PLPPR3: variants seen among roughly 807,000 people sequenced by gnomAD.
PLPPR3 encodes the protein phospholipid phosphatase related 3.
In PLPPR3, 14 loss-of-function variants were observed where a neutral mutation model predicts 27.3. The ratio of observed to expected loss-of-function variants is 0.51; its 90% CI spans 0.34 to 0.80. The LOEUF (loss-of-function observed/expected upper bound fraction) is 0.80, where lower values mean the gene tolerates loss of function less well. Ranked by LOEUF, PLPPR3 falls within the 30% of genes least tolerant of loss-of-function variation. PLPPR3 has a pLI of 0.01. For missense variants in PLPPR3, 1,287 were observed against 1,056.9 expected, an observed-to-expected ratio of 1.22 and a Z score of -3.02; for synonymous variants, 671 against 508.0, an observed-to-expected ratio of 1.32 and a Z score of -4.32.
At position 813,717 on chromosome 19, in the gene PLPPR3, C is replaced by T. The variant is rs1437301401; in HGVS notation, c.1010G>A (p.Arg337Gln). ...GPPGRLEGAP[R>Q]PVAREKTSLG... is the part of the protein sequence containing the mutation. The stretch of plus-strand genomic sequence containing the variant: ...CGAGGTCTTCTCGCGGGCCACGGGC[C>T]GGGGCGCGCCCTCCAGCCGCCCTGG... The change falls in exon 8 of 8, where the codon CGG (arginine) becomes CAG (glutamine). Residue 337 changes from arginine (R) to glutamine (Q), a missense_variant. Physicochemically the swap from Arg to Gln is conservative, Grantham distance 43 (BLOSUM62 1). Coordinates refer to ENST00000520876, the MANE Select transcript of PLPPR3 (RefSeq NM_001270366.2). This position sits in a 1 kb window ranked among gnomAD's most constrained non-coding sequence, Gnocchi z 4.1. 1.3e-6 allele frequency: 2 copies of T among 1,525,076 alleles called. No individual in the cohort carries two copies. The highest frequency in any genetic ancestry group is 1.2e-5 in the South Asian group (1 of 82,968). 94.5% of individuals were successfully genotyped at this position (1,525,076 alleles called of 1,614,324 possible).
intron 2 of PLPPR3, among the ~76,000 whole-genome samples, chr19:816,472 A>C (rs962985688): frequency 4.9e-5 from 7 of 142,684 alleles, no homozygotes; most frequent in African/African-American, 7.8e-5. Flanking sequence ...CCGTCCATCC[A>C]TCCATTCATT....
Position 813,635 on chromosome 19 carries a change from G to A in PLPPR3, c.1092C>T (p.Pro364=). Residue 364 remains proline (P), a synonymous_variant, in exon 8 of 8, where the codon CCC becomes CCT. Transcript: ENST00000520876. This position sits in a 1 kb window ranked among gnomAD's most constrained non-coding sequence, Gnocchi z 4.1. ...VDVDLLAPRS[P]MAKENMVTFS... ...AGGTCACCATGTTCTCCTTGGCCATGGGGCTGCGCGGGGCCAGCAGGTCCA... is the reference window on the plus strand; with the variant it reads ...AGGTCACCATGTTCTCCTTGGCCATAGGGCTGCGCGGGGCCAGCAGGTCCA... The A allele has an allele frequency of 1.3e-6, 2 of 1,539,564 alleles. No individual in the cohort carries two copies. The highest frequency in any genetic ancestry group is 1.7e-6 in the Non-Finnish European group (2 of 1,145,146).
rs1163858803 is a variant in PLPPR3 at position 814,676 on chromosome 19, G to A, written c.657+16C>T. On this transcript the variant is annotated intron_variant, in intron 6 of 7. Coordinates refer to ENST00000520876, the MANE Select transcript of PLPPR3 (RefSeq NM_001270366.2). Reference sequence around the variant, plus strand: ...AGCAAGAGGGCCTGGGAAGGGCAGTGAGGGGCCGGACTCACCGACACATAG... The same window carrying A: ...AGCAAGAGGGCCTGGGAAGGGCAGTAAGGGGCCGGACTCACCGACACATAG... 1.9e-6 allele frequency: 3 copies of A among 1,606,476 alleles called. No individual in the cohort carries two copies. The East Asian group carries it at 6.7e-5, about 36-fold the overall frequency.
Position 815,261 on chromosome 19 carries a change from C to T in PLPPR3, c.328G>A (p.Ala110Thr), listed in dbSNP as rs763679195. The T allele has an allele frequency of 1.9e-5, 30 of 1,563,568 alleles. No homozygotes were observed. The South Asian group carries it at 2.4e-4, about 13-fold the overall frequency. ...GCGTTGATGCTGCCCTCCGCCCCGG[C>T]GGGCCCCCCGGCACGGCCCCACAGC... is the stretch of plus-strand genomic sequence containing the variant. Reference protein sequence around the residue: ...SRLWGRAGGPAGAEGSINAGG... With the variant: ...SRLWGRAGGPTGAEGSINAGG... Residue 110 changes from alanine (A) to threonine (T), a missense_variant, in exon 4 of 8, where the codon GCC becomes ACC. Coordinates refer to ENST00000520876, the MANE Select transcript of PLPPR3 (RefSeq NM_001270366.2).
chr19:823,447 A>AAAAAAAAAC (rs1555703857), upstream of PLPPR3, among the ~76,000 whole-genome samples: 606 of 117,114 alleles, frequency 5.2e-3, 11 homozygotes, highest in African/African-American at 0.021. Context: ...ATCTCAAAAA[A>AAAAAAAAAC]AAAAAAAAAA....
At position 812,537 on chromosome 19, in the gene PLPPR3, G is replaced by GGCC; in HGVS notation, c.*32_*33insGGC. On this transcript the variant is annotated 3_prime_UTR_variant, in exon 8 of 8. Coordinates refer to ENST00000520876, the MANE Select transcript of PLPPR3 (RefSeq NM_001270366.2). ...ATCCGCGCGGCCGCCCGCGCCCTCG[G>GGCC]CCCGCCCCCCGCCCGCCCCCGGCCC... 6.2e-6 allele frequency: 6 copies of GGCC among 965,808 alleles called. No individual in the cohort carries two copies. The highest frequency in any genetic ancestry group is 6.2e-6 in the Non-Finnish European group (5 of 810,978). 59.8% of individuals were successfully genotyped at this position (965,808 alleles called of 1,614,324 possible). A position where few individuals can be genotyped will look rare whatever the true frequency, so the allele number is the denominator to read the frequency against.
Position 813,224 on chromosome 19 carries a change from C to T in PLPPR3, c.1503G>A (p.Ala501=), listed in dbSNP as rs899875516. 8.1e-6 allele frequency: 12 copies of T among 1,486,840 alleles called. No individual in the cohort carries two copies. Among genetic ancestry groups the T allele is most frequent in the Non-Finnish European group, 1.1e-5 (12 of 1,130,196 alleles). The allele number at this position is 1,486,840 out of a possible 1,614,324, so 92.1% of individuals were successfully genotyped here. A position where few individuals can be genotyped will look rare whatever the true frequency, so the allele number is the denominator to read the frequency against. The part of the protein sequence containing the change: ...PPLVHIPEEG[A]QTGAGLSPKS... ...TGGGGGACAGGCCGGCCCCCGTCTGCGCGCCCTCCTCCGGGATGTGCACCA... is the reference window on the plus strand; with the variant it reads ...TGGGGGACAGGCCGGCCCCCGTCTGTGCGCCCTCCTCCGGGATGTGCACCA... The change falls in exon 8 of 8, where the codon GCG becomes GCA. Residue 501 remains alanine (A), a synonymous_variant. Coordinates refer to ENST00000520876, the MANE Select transcript of PLPPR3 (RefSeq NM_001270366.2). This position sits in a 1 kb window ranked among gnomAD's most constrained non-coding sequence, Gnocchi z 4.1.
Position 816,269 on chromosome 19 carries a change from T to C in PLPPR3, c.76-418A>G, listed in dbSNP as rs1172288419. ...AGCCATTCATTCATCTGTCCATCCA[T>C]CCATCCATCATCCACCCATGCAGCC... On this transcript the variant is annotated intron_variant, in intron 2 of 7. Coordinates refer to ENST00000520876, the MANE Select transcript of PLPPR3 (RefSeq NM_001270366.2). Among the ~76,000 whole-genome samples the C allele has an allele frequency of 2.1e-5, 3 of 142,070 alleles. No individual in the cohort carries two copies. In the East Asian group the frequency reaches 6.8e-4, roughly 32 times the overall value. 93.2% of individuals were successfully genotyped at this position (142,070 alleles called of 152,430 possible).
upstream of PLPPR3, among the ~76,000 whole-genome samples, chr19:822,994 C>T (rs2035171292): frequency 6.6e-6 from 1 of 151,932 alleles, no homozygotes; most frequent in African/African-American, 2.4e-5. Context: ...TGGCTCATGC[C>T]TGTAATCCCA....
Position 813,065 on chromosome 19 carries a change from G to T in PLPPR3, c.1662C>A (p.Ala554=). ...TGGCGCTGGACGACGACGCCGTCTCGGCCGCCTTGGGGCCCGGCGCGCCCG... is the reference window on the plus strand; with the variant it reads ...TGGCGCTGGACGACGACGCCGTCTCTGCCGCCTTGGGGCCCGGCGCGCCCG... ...KAPGAPGPKA[A]ETASSSSASS... Residue 554 remains alanine, a synonymous_variant, in exon 8 of 8, where the codon GCC becomes GCA. Transcript: ENST00000520876. This position sits in a 1 kb window ranked among gnomAD's most constrained non-coding sequence, Gnocchi z 4.1. 6.7e-7 allele frequency: 1 copy of T among 1,500,408 alleles called. No individual in the cohort carries two copies. Among genetic ancestry groups the T allele is most frequent in the Non-Finnish European group, 8.8e-7 (1 of 1,135,222 alleles). 92.9% of individuals were successfully genotyped at this position (1,500,408 alleles called of 1,614,324 possible).
At position 815,297 on chromosome 19, in the gene PLPPR3, G is replaced by A; in HGVS notation, c.292C>T (p.Leu98=). The A allele has an allele frequency of 1.9e-6, 3 of 1,549,886 alleles. No individual in the cohort carries two copies. The highest frequency in any genetic ancestry group is 1.2e-5 in the South Asian group (1 of 84,430). ...GCACGGCCCCACAGCCGGGACTGCA[G>A]ACAGTACAACATGCCCTCGGCCACC... The part of the protein sequence containing the change: ...IMVAEGMLYC[L]QSRLWGRAGG... The change falls in exon 4 of 8, where the codon CTG becomes TTG. Residue 98 remains leucine, a synonymous_variant. Coordinates refer to ENST00000520876, the MANE Select transcript of PLPPR3 (RefSeq NM_001270366.2).
upstream of PLPPR3, among the ~76,000 whole-genome samples, chr19:823,464 A>C (rs1305710514): frequency 1.4e-5 from 2 of 144,888 alleles, no homozygotes; most frequent in African/African-American, 5.0e-5. Context: ...AAAAACAAAC[A>C]AACAGTGACT....
chr19:817,739 C>T (rs1327939059), intron 2 of PLPPR3, among the ~76,000 whole-genome samples: 1 of 152,152 alleles, frequency 6.6e-6, no homozygotes, highest in Admixed American at 6.5e-5. Flanking sequence ...AGTTCATGTC[C>T]AGTGAGCATT....
At position 813,971 on chromosome 19, in the gene PLPPR3, G is replaced by C. The variant is rs1046078817; in HGVS notation, c.832-76C>G. On this transcript the variant is annotated intron_variant, in intron 7 of 7. Transcript: ENST00000520876. This position sits in a 1 kb window ranked among gnomAD's most constrained non-coding sequence, Gnocchi z 4.1. ...CCCCTGTGATCGTTGGACTTGCCGCGGGGGGCTCTGGACCGGGGGTGGGGG... is the reference window on the plus strand; with the variant it reads ...CCCCTGTGATCGTTGGACTTGCCGCCGGGGGCTCTGGACCGGGGGTGGGGG... 3.6e-6 allele frequency: 5 copies of C among 1,397,282 alleles called. No individual in the cohort carries two copies. The Admixed American group carries it at 9.8e-5, about 27-fold the overall frequency. 86.6% of individuals were successfully genotyped at this position (1,397,282 alleles called of 1,614,324 possible).
intron 2 of PLPPR3, among the ~76,000 whole-genome samples, chr19:821,227 G>A (rs1160462006): frequency 1.7e-5 from 2 of 117,064 alleles, no homozygotes; most frequent in Admixed American, 1.0e-4. Flanking sequence ...ACCACACCTT[G>A]GTCAGAAGGG....
intron 2 of PLPPR3, among the ~76,000 whole-genome samples, chr19:817,439 A>AT (rs1366536568): frequency 2.0e-5 from 3 of 151,284 alleles, no homozygotes; most frequent in Admixed American, 6.6e-5. Flanking sequence ...CACCTGGCTA[A>AT]TTTTTTGTAT....
At chr19:821,431 C>G (rs959675631) in intron 2 of PLPPR3, 54 bp downstream of exon 2, 44 of 1,464,500 alleles carry the variant, frequency 3.0e-5, no homozygotes, top group Non-Finnish European at 3.8e-5. Flanking sequence ...GGGGTCTCTG[C>G]GGGCGGGCGG....
upstream of PLPPR3, among the ~76,000 whole-genome samples, chr19:822,698 C>T (rs1313589315): frequency 1.3e-5 from 2 of 152,240 alleles, no homozygotes; most frequent in African/African-American, 4.8e-5. Flanking sequence ...CGTGCATTTC[C>T]TCCTCCATAT....
At chr19:823,447 A>AAAAAAAAAAC (rs1174350466), upstream of PLPPR3, among the ~76,000 whole-genome samples, 5 of 117,018 alleles carry the variant, frequency 4.3e-5, no homozygotes, top group African/African-American at 1.8e-4. Flanking sequence ...ATCTCAAAAA[A>AAAAAAAAAAC]AAAAAAAAAA....
Sources: allele counts gnomAD v4.1 joint callset (sites outside exome capture counted in the v4.1 genomes callset), GRCh38; gene constraint gnomAD v4.1.1; non-coding constraint Gnocchi (gnomAD v3.1); transcripts MANE v1.5; gene names NCBI Gene and HGNC (gene_info 2026-07-23, HGNC 2026-07-21).